Variants in PDE9A observed in about 807,000 individuals in gnomAD.
PDE9A encodes phosphodiesterase 9A, also known as high affinity cGMP-specific 3',5'-cyclic phosphodiesterase 9A.
In PDE9A, 60 loss-of-function variants were observed where a neutral mutation model predicts 87.4. The observed-to-expected ratio is 0.69, with a 90% confidence interval of 0.56 to 0.85. PDE9A has a LOEUF of 0.85. PDE9A is among the 40% of genes least tolerant of loss of function. The probability of loss-of-function intolerance (pLI) is 0.00; values close to 1 mark genes in which losing one functional copy is unlikely to be tolerated. For synonymous variants in PDE9A, 272 were observed against 279.4 expected (o/e 0.97, Z 0.27); for missense variants, 665 against 779.0 (o/e 0.85, Z 1.74).
At chr21:42,724,540 T>C in intron 4 of PDE9A, 2 of 981,366 alleles carry the variant, frequency 2.0e-6, no homozygotes. Context: ...CTGGTGGTTT[T>C]GCTTCTTTCC....
rs543592680 is a variant in PDE9A at position 42,705,073 on chromosome 21, A to G, written c.262+6062A>G. On this transcript the variant is annotated intron_variant, in intron 4 of 19. Coordinates refer to ENST00000291539, the MANE Select transcript of PDE9A (RefSeq NM_002606.3). This position sits in a 1 kb window ranked among gnomAD's most constrained non-coding sequence, Gnocchi z 4.3. ...GGAGCGGTGAACAGCTCCTGCCAGG[A>G]AAGAGCATGGCACAGCCTCGTTCTC... Among the ~76,000 whole-genome samples, 110 of 152,320 alleles carry G rather than the reference A, an allele frequency of 7.2e-4. No individual in the cohort carries two copies. Among genetic ancestry groups the G allele is most frequent in the African/African-American group, 2.5e-3 (102 of 41,574 alleles).
intron 15 of PDE9A, among the ~76,000 whole-genome samples, chr21:42,767,523 G>A (rs2056524024): frequency 1.3e-5 from 2 of 152,208 alleles, no homozygotes; most frequent in Admixed American, 1.3e-4. Context: ...CAAGCATCAT[G>A]CAGACTCCGA....
At chr21:42,671,557 A>G (rs1044868462) in intron 1 of PDE9A, among the ~76,000 whole-genome samples, 3 of 152,242 alleles carry the variant, frequency 2.0e-5, no homozygotes, top group Non-Finnish European at 2.9e-5. Context: ...AAAATGAACA[A>G]TATGTCCAAA....
At chr21:42,765,574 G>A (rs1215587057) in intron 15 of PDE9A, 80 bp downstream of exon 15, 2 of 776,488 alleles carry the variant, frequency 2.6e-6, no homozygotes, top group Non-Finnish European at 4.6e-6. Context: ...CACACTGGAA[G>A]CCAAGAAGCT....
Position 42,732,092 on chromosome 21 carries a change from C to T in PDE9A, c.465C>T (p.Ser155=), listed in dbSNP as rs759909712. 2.5e-5 allele frequency: 40 copies of T among 1,614,036 alleles called. No homozygotes were observed. The highest frequency in any genetic ancestry group is 1.6e-4 in the Middle Eastern group (1 of 6,084). Residue 155 remains serine (S), a synonymous_variant, in exon 6 of 20, where the codon AGC becomes AGT. Transcript: ENST00000291539. The part of the protein sequence containing the change: ...IPPEREELIQ[S]VLAQVAEQFS... ...TAGAGAGAGAAGAATTAATCCAGAG[C>T]GTGCTGGCGCAGGTTGCAGAGCAGT...
chr21:42,677,595 A>G (rs986979100), intron 1 of PDE9A, among the ~76,000 whole-genome samples: 48 of 151,674 alleles, frequency 3.2e-4, no homozygotes, highest in African/African-American at 1.1e-3. Flanking sequence ...GCTGTCTTTC[A>G]TTCGCCAGCC....
In PDE9A at chr21:42,691,720, A is replaced by G. The variant is rs565639412; in HGVS notation, c.218+3726A>G. ...ATCCAAAGTCACCAGCCTCTTCACC[A>G]TCACTATCACCAGGCCCTTCACCAT... On this transcript the variant is annotated intron_variant, in intron 3 of 19. Coordinates refer to ENST00000291539, the MANE Select transcript of PDE9A (RefSeq NM_002606.3). Among the ~76,000 whole-genome samples, 5 of 150,756 alleles carry G rather than the reference A, an allele frequency of 3.3e-5. No individual in the cohort carries two copies. In the East Asian group the frequency reaches 9.9e-4, roughly 30 times the overall value.
intron 4 of PDE9A, among the ~76,000 whole-genome samples, chr21:42,729,519 T>A (rs551645758): frequency 6.6e-6 from 1 of 152,336 alleles, no homozygotes; most frequent in Non-Finnish European, 1.5e-5. Context: ...GTGATTTCCC[T>A]CCTTCCTTCC....
chr21:42,754,448 G>A (rs1034838637), intron 10 of PDE9A, among the ~76,000 whole-genome samples: 1 of 152,216 alleles, frequency 6.6e-6, no homozygotes, highest in Non-Finnish European at 1.5e-5. Context: ...CAAGGAAGGG[G>A]CTGCGGTCAG....
At chr21:42,766,406 A>C (rs2056406211) in intron 15 of PDE9A, among the ~76,000 whole-genome samples, 2 of 152,134 alleles carry the variant, frequency 1.3e-5, no homozygotes, top group Admixed American at 6.5e-5. Flanking sequence ...AGCCTTGTCT[A>C]AGCATCAGGT....
chr21:42,725,538 C>T (rs1386023396), intron 4 of PDE9A, among the ~76,000 whole-genome samples: 1 of 152,156 alleles, frequency 6.6e-6, no homozygotes, highest in Non-Finnish European at 1.5e-5. Flanking sequence ...CATGCCCGGC[C>T]TCTGGTCTCT....
chr21:42,660,303 C>T lies in PDE9A; in HGVS notation c.69+6420C>T, dbSNP rs1328047887. Among the ~76,000 whole-genome samples the T allele has an allele frequency of 6.6e-6, 1 of 152,202 alleles. No homozygotes were observed. The highest frequency in any genetic ancestry group is 1.5e-5 in the Non-Finnish European group (1 of 68,030). ...TCCTTGGCTTTCTCCCCAGACAAAC[C>T]CACCCTGAGCTCAGGATCCCTCCAG... On this transcript the variant is annotated intron_variant, in intron 1 of 19. Transcript: ENST00000291539. The surrounding 1 kb of genome is among the most constrained non-coding windows in gnomAD (Gnocchi z 4.7).
intron 17 of PDE9A, 41 bp downstream of exon 17, chr21:42,769,196 GATAC>G (rs1178779604): frequency 1.9e-6 from 3 of 1,594,410 alleles, no homozygotes; most frequent in Non-Finnish European, 2.6e-6. Context: ...CTTACACTCA[GATAC>G]ATGCATGCAC....
chr21:42,689,535 GA>G (rs1446890228), intron 3 of PDE9A: 1 of 985,342 alleles, frequency 1.0e-6, no homozygotes, highest in African/African-American at 1.7e-5. Context: ...GGACCTCACA[GA>G]AACCAGCACC....
Position 42,775,375 on chromosome 21 carries a change from G to C in PDE9A, c.*82G>C. The C allele has an allele frequency of 8.5e-7, 1 of 1,172,372 alleles. No homozygotes were observed. The highest frequency in any genetic ancestry group is 1.6e-5 in the African/African-American group (1 of 63,040). 72.6% of individuals were successfully genotyped at this position (1,172,372 alleles called of 1,614,324 possible). A position where few individuals can be genotyped will look rare whatever the true frequency, so the allele number is the denominator to read the frequency against. On this transcript the variant is annotated 3_prime_UTR_variant, in exon 20 of 20. Coordinates refer to ENST00000291539, the MANE Select transcript of PDE9A (RefSeq NM_002606.3). ...CTTGTGCAGGGAAGAGCTGCCCTGG[G>C]CACCTGGCACCACAAGACCATGTTT...
At chr21:42,670,234 T>TTC (rs2058364079) in intron 1 of PDE9A, among the ~76,000 whole-genome samples, 1 of 76,926 alleles carries the variant, frequency 1.3e-5, no homozygotes, top group African/African-American at 8.1e-5. Flanking sequence ...TACACTTACA[T>TTC]TCACACTCAT....
intron 1 of PDE9A, among the ~76,000 whole-genome samples, chr21:42,656,308 C>T (rs1165847710): frequency 6.6e-6 from 1 of 152,220 alleles, no homozygotes; most frequent in Non-Finnish European, 1.5e-5. Flanking sequence ...GATGGGCACA[C>T]CCGCCCCTTC....
In PDE9A at chr21:42,684,312, C is replaced by T. The variant is rs1221021848; in HGVS notation, c.70-1880C>T. On this transcript the variant is annotated intron_variant, in intron 1 of 19. Transcript: ENST00000291539. ...GTTCTGTAGACCCCCAAAGTAAGTC[C>T]GCCACACCGGAAGGAAGTGAGTTAC... 5.3e-5 allele frequency among the ~76,000 whole-genome samples: 8 copies of T among 152,310 alleles called. No homozygotes were observed. In the East Asian group the frequency reaches 5.8e-4, roughly 11 times the overall value.
Position 42,731,818 on chromosome 21 carries a change from G to T in PDE9A, c.311G>T (p.Arg104Ile), listed in dbSNP as rs559304227. The change falls in exon 5 of 20, where the codon AGA becomes ATA. Residue 104 changes from arginine to isoleucine, a missense_variant. Transcript: ENST00000291539. Reference protein sequence around the residue: ...RTTSRGQSAERPLRDRRVVGL... With the variant: ...RTTSRGQSAEIPLRDRRVVGL... ...ACAAGCCGTGGCCAGTCTGCTGAGA[G>T]ACCACTGAGGGACAGACGGGTTGTG... 4 of 1,614,216 alleles carry T rather than the reference G, an allele frequency of 2.5e-6. No individual in the cohort carries two copies. Among genetic ancestry groups the T allele is most frequent in the Non-Finnish European group, 8.5e-7 (1 of 1,180,040 alleles).
Sources: gnomAD v4.1 joint callset for allele counts (sites outside exome capture counted in the v4.1 genomes callset) on GRCh38, gnomAD v4.1.1 for gene constraint, Gnocchi (gnomAD v3.1) non-coding constraint, MANE v1.5 for transcripts, NCBI Gene and HGNC (gene_info 2026-07-23, HGNC 2026-07-21) for gene names.